Variants in CD83 observed in about 807,000 individuals in gnomAD.
The protein encoded by CD83 is CD83 antigen.
Under a neutral mutation model 24.6 loss-of-function variants are expected in CD83, and 22 were observed. That is an observed-to-expected ratio of 0.90 (90% CI 0.64 to 1.28). CD83 has a LOEUF of 1.28. Ranked by LOEUF, CD83 falls within the 50% of genes most tolerant of loss-of-function variation. CD83 has a pLI of 0.00. For synonymous variants in CD83, 101 were observed against 103.5 expected (o/e 0.98, Z 0.14); for missense variants, 253 against 252.8 (o/e 1.00, Z -0.01).
At chr6:14,121,467 C>G (rs771590117) in intron 2 of CD83, among the ~76,000 whole-genome samples, 4 of 151,376 alleles carry the variant, frequency 2.6e-5, no homozygotes, top group African/African-American at 9.7e-5. Context: ...ATGAGCCAAT[C>G]GATTTATCTT....
Position 14,131,763 on chromosome 6 carries a change from T to G in CD83, c.382+15T>G, listed in dbSNP as rs985323741. Reference sequence around the variant, plus strand: ...GAGAGTGACAGGTGAGGTGACCTGCTGCACTTGTTTTCTTCTTGAACAATG... The same window carrying G: ...GAGAGTGACAGGTGAGGTGACCTGCGGCACTTGTTTTCTTCTTGAACAATG... On this transcript the variant is annotated intron_variant, in intron 3 of 4. Coordinates refer to ENST00000379153, the MANE Select transcript of CD83 (RefSeq NM_004233.4). 1.8e-5 allele frequency: 28 copies of G among 1,553,588 alleles called. No homozygotes were observed. The highest frequency in any genetic ancestry group is 2.0e-5 in the Non-Finnish European group (23 of 1,125,158).
chr6:14,130,364 G>A (rs149755249), intron 2 of CD83, among the ~76,000 whole-genome samples: 22 of 152,370 alleles, frequency 1.4e-4, no homozygotes, highest in African/African-American at 4.1e-4. Flanking sequence ...AATGGTGAAT[G>A]TGGTATGAGC....
intron 3 of CD83, among the ~76,000 whole-genome samples, chr6:14,132,778 A>C (rs1005914069): frequency 4.6e-5 from 7 of 152,178 alleles, no homozygotes; most frequent in African/African-American, 1.4e-4. Context: ...AGGGGTTGAC[A>C]TCTCTGGAGA....
rs767080229 is a variant in CD83 at position 14,118,068 on chromosome 6, A to T, written c.153+3A>T. ...CCTACACGGTCTCCTGGGTCAAGGT[A>T]GGTGCTGCGATACCCACGGGCTGGG... On this transcript the variant is annotated splice_donor_region_variant and intron_variant, in intron 2 of 4. Coordinates refer to ENST00000379153, the MANE Select transcript of CD83 (RefSeq NM_004233.4). 1.9e-6 allele frequency: 3 copies of T among 1,596,736 alleles called. No individual in the cohort carries two copies. In the East Asian group the frequency reaches 6.8e-5, roughly 36 times the overall value.
chr6:14,119,002 T>C (rs1759609592), intron 2 of CD83, among the ~76,000 whole-genome samples: 1 of 152,230 alleles, frequency 6.6e-6, no homozygotes, highest in African/African-American at 2.4e-5. Context: ...CAGGGCGTTC[T>C]TCTGCCCACC....
At chr6:14,133,849 T>C (rs1454131271) in intron 4 of CD83, 94 bp downstream of exon 4, 1 of 822,932 alleles carries the variant, frequency 1.2e-6, no homozygotes, top group African/African-American at 1.8e-5. Flanking sequence ...CATTTAATAA[T>C]GGTGAGAGAG....
chr6:14,132,371 A>T (rs1757929799), intron 3 of CD83, among the ~76,000 whole-genome samples: 1 of 152,226 alleles, frequency 6.6e-6, no homozygotes, highest in South Asian at 2.1e-4. Context: ...GAGGGCAGGC[A>T]TGTCCTGCAG....
chr6:14,128,390 A>G (rs567191059), intron 2 of CD83, among the ~76,000 whole-genome samples: 65 of 152,332 alleles, frequency 4.3e-4, no homozygotes, highest in African/African-American at 1.5e-3. Context: ...GCAGCTGTGG[A>G]TAAACCCCAA....
Position 14,119,601 on chromosome 6 carries a change from C to T in CD83, c.153+1536C>T, listed in dbSNP as rs187268707. Among the ~76,000 whole-genome samples the T allele has an allele frequency of 2.0e-3, 300 of 152,218 alleles. 4 individuals carry two copies. The highest frequency in any genetic ancestry group is 0.016 in the Admixed American group (249 of 15,286). On this transcript the variant is annotated intron_variant, in intron 2 of 4. Coordinates refer to ENST00000379153, the MANE Select transcript of CD83 (RefSeq NM_004233.4). ...CTAAATGGTGGAGTTGGGATTTGAA[C>T]GAAGCAGTCTGATTCCAAATCCTGA...
At chr6:14,124,230 G>T (rs1759735583) in intron 2 of CD83, among the ~76,000 whole-genome samples, 1 of 152,162 alleles carries the variant, frequency 6.6e-6, no homozygotes, top group South Asian at 2.1e-4. Context: ...TGCTTTCTTG[G>T]AGGACCAGTC....
At chr6:14,134,635 C>T (rs1340606679) in intron 4 of CD83, among the ~76,000 whole-genome samples, 1 of 152,148 alleles carries the variant, frequency 6.6e-6, no homozygotes, top group Non-Finnish European at 1.5e-5. Flanking sequence ...TTTTAGATAC[C>T]AGTCAATCAG....
chr6:14,131,333 C>T (rs1001785954), intron 2 of CD83, among the ~76,000 whole-genome samples, 187 bp from the exon 3 acceptor site: 3 of 152,096 alleles, frequency 2.0e-5, no homozygotes, highest in African/African-American at 4.8e-5. Flanking sequence ...TGATATATTC[C>T]GAAGATGTAG....
intron 2 of CD83, among the ~76,000 whole-genome samples, chr6:14,118,798 A>G (rs544342685): frequency 2.5e-4 from 38 of 152,306 alleles, no homozygotes; most frequent in African/African-American, 8.7e-4. Flanking sequence ...TAAGATGGCA[A>G]TGATGGTGTC....
At chr6:14,125,086 A>G (rs1343483713) in intron 2 of CD83, among the ~76,000 whole-genome samples, 1 of 152,250 alleles carries the variant, frequency 6.6e-6, no homozygotes, top group Non-Finnish European at 1.5e-5. Context: ...AGAGAAAGGC[A>G]CAGAACAGAT....
At chr6:14,117,470 G>T (rs1002398264), upstream of CD83, among the ~76,000 whole-genome samples, 2 of 151,700 alleles carry the variant, frequency 1.3e-5, no homozygotes, top group Admixed American at 6.6e-5. This position sits in a 1 kb window ranked among gnomAD's most constrained non-coding sequence, Gnocchi z 4.6. Flanking sequence ...AGCCCCCAGC[G>T]CTGGGCGTCA....
At chr6:14,132,881 A>G (rs1303499126) in intron 3 of CD83, among the ~76,000 whole-genome samples, 1 of 152,236 alleles carries the variant, frequency 6.6e-6, no homozygotes, top group African/African-American at 2.4e-5. Context: ...GTTTGCAAGC[A>G]CACTATAGCC....
rs1469530920 is a variant in CD83 at position 14,117,998 on chromosome 6, A to G, written c.86A>G (p.Glu29Gly). The change falls in exon 2 of 5, where the codon GAA (glutamate) becomes GGA (glycine). Residue 29 changes from glutamate to glycine, a missense_variant. Physicochemically the swap from Glu to Gly is moderately conservative, Grantham distance 98. Coordinates refer to ENST00000379153, the MANE Select transcript of CD83 (RefSeq NM_004233.4). The surrounding 1 kb of genome is among the most constrained non-coding windows in gnomAD (Gnocchi z 4.6). The part of the protein sequence containing the change: ...ATPEVKVACS[E>G]DVDLPCTAPW... ...CCGGAGGTGAAGGTGGCTTGCTCCG[A>G]AGATGTGGACTTGCCCTGCACCGCC... is the stretch of plus-strand genomic sequence containing the variant. The G allele has an allele frequency of 6.2e-7, 1 of 1,611,108 alleles. No homozygotes were observed. Among genetic ancestry groups the G allele is most frequent in the African/African-American group, 1.3e-5 (1 of 74,690 alleles).
At chr6:14,126,764 TA>T (rs1230666130) in intron 2 of CD83, among the ~76,000 whole-genome samples, 2 of 152,240 alleles carry the variant, frequency 1.3e-5, no homozygotes, top group African/African-American at 4.8e-5. Flanking sequence ...ATTGGCACTT[TA>T]ATTGAGTTAG....
chr6:14,123,495 T>C (rs1053310781), intron 2 of CD83, among the ~76,000 whole-genome samples: 4 of 152,174 alleles, frequency 2.6e-5, no homozygotes, highest in African/African-American at 9.7e-5. Flanking sequence ...TGATTCATCT[T>C]AGAAGATGAG....
Sources: gnomAD v4.1 joint callset for allele counts (sites outside exome capture counted in the v4.1 genomes callset) on GRCh38, gnomAD v4.1.1 for gene constraint, Gnocchi (gnomAD v3.1) non-coding constraint, MANE v1.5 for transcripts, NCBI Gene and HGNC (gene_info 2026-07-23, HGNC 2026-07-21) for gene names.